NUBPL: variants seen among roughly 807,000 people sequenced by gnomAD.
NUBPL encodes the protein iron-sulfur cluster transfer protein NUBPL.
A neutral mutation model predicts 45.7 loss-of-function variants in NUBPL; 31 were observed. The ratio of observed to expected loss-of-function variants is 0.68; its 90% CI spans 0.51 to 0.92. The LOEUF is 0.92. Ranked by LOEUF, NUBPL falls within the 40% of genes least tolerant of loss-of-function variation. The pLI is 0.00. For missense variants in NUBPL, 401 were observed against 398.7 expected, an observed-to-expected ratio of 1.01 and a Z score of -0.05; for synonymous variants, 144 against 140.9, an observed-to-expected ratio of 1.02 and a Z score of -0.15.
Position 31,709,033 on chromosome 14 carries a change from G to A in NUBPL, c.513+35459G>A, listed in dbSNP as rs530405749. ...GTCTGAGGGCCATGACTAAGGCTGCGGTCTTTCTCTGATCTTGCTTTTCCT... is the reference window on the plus strand; with the variant it reads ...GTCTGAGGGCCATGACTAAGGCTGCAGTCTTTCTCTGATCTTGCTTTTCCT... On this transcript the variant is annotated intron_variant, in intron 6 of 10. Transcript: ENST00000281081. Among the ~76,000 whole-genome samples, 398 of 152,200 alleles carry A rather than the reference G, an allele frequency of 2.6e-3. 1 individual carries two copies. The highest frequency in any genetic ancestry group is 9.2e-3 in the African/African-American group (384 of 41,530).
intron 6 of NUBPL, among the ~76,000 whole-genome samples, chr14:31,716,675 G>A (rs1286555168): frequency 6.6e-6 from 1 of 152,166 alleles, no homozygotes; most frequent in Non-Finnish European, 1.5e-5. Context: ...TTCTGATTTT[G>A]TGCTCATTCT....
At chr14:31,637,700 C>G (rs895689373) in intron 4 of NUBPL, among the ~76,000 whole-genome samples, 4 of 152,176 alleles carry the variant, frequency 2.6e-5, no homozygotes, top group Non-Finnish European at 5.9e-5. Flanking sequence ...GTTAGAGTCT[C>G]CCATTATTAT....
At chr14:31,766,799 A>G (rs2038920413) in intron 6 of NUBPL, among the ~76,000 whole-genome samples, 1 of 152,186 alleles carries the variant, frequency 6.6e-6, no homozygotes, top group South Asian at 2.1e-4. Flanking sequence ...TTTAAATTCC[A>G]CAGGAAGACC....
intron 3 of NUBPL, among the ~76,000 whole-genome samples, chr14:31,571,690 T>G (rs1275926566): frequency 6.6e-6 from 1 of 152,164 alleles, no homozygotes; most frequent in Non-Finnish European, 1.5e-5. Context: ...CCTCAGGTGA[T>G]CTGCCCACCT....
intron 4 of NUBPL, among the ~76,000 whole-genome samples, chr14:31,651,254 A>G (rs2035996395): frequency 6.6e-6 from 1 of 152,066 alleles, no homozygotes; most frequent in African/African-American, 2.4e-5. Flanking sequence ...TGCCTCAGCC[A>G]ACTGAGTAGC....
intron 4 of NUBPL, among the ~76,000 whole-genome samples, chr14:31,649,554 T>C (rs2035945574): frequency 6.6e-6 from 1 of 152,208 alleles, no homozygotes; most frequent in Non-Finnish European, 1.5e-5. Flanking sequence ...CTTTTAGAGT[T>C]TTGAAATTTT....
Position 31,842,218 on chromosome 14 carries a change from G to A in NUBPL, c.694-4253G>A, listed in dbSNP as rs113107042. On this transcript the variant is annotated intron_variant, in intron 8 of 10. Transcript: ENST00000281081. ...TGGGATTACAAGCATAAGCCACCAC[G>A]TCTGGCCTGTTCTGGGCTCTTTATT... 1.7e-3 allele frequency among the ~76,000 whole-genome samples: 260 copies of A among 151,968 alleles called. 1 individual carries two copies. Among genetic ancestry groups the A allele is most frequent in the African/African-American group, 5.3e-3 (218 of 41,454 alleles).
intron 6 of NUBPL, among the ~76,000 whole-genome samples, chr14:31,733,606 A>G (rs558889074): frequency 1.3e-5 from 2 of 152,284 alleles, no homozygotes; most frequent in South Asian, 4.1e-4. Context: ...TTCTAATACA[A>G]AGAAACATAA....
intron 3 of NUBPL, among the ~76,000 whole-genome samples, chr14:31,578,764 A>G (rs960807564): frequency 6.6e-6 from 1 of 152,244 alleles, no homozygotes; most frequent in African/African-American, 2.4e-5. Flanking sequence ...GTACTTCTGT[A>G]AAAATCTTAA....
intron 10 of NUBPL, among the ~76,000 whole-genome samples, chr14:31,852,611 C>T (rs983599441): frequency 2.0e-5 from 3 of 152,126 alleles, no homozygotes; most frequent in Non-Finnish European, 4.4e-5. Flanking sequence ...GCGGAGGTTG[C>T]AGTAAGCCGA....
At chr14:31,808,652 T>A (rs2039739294) in intron 7 of NUBPL, among the ~76,000 whole-genome samples, 1 of 152,022 alleles carries the variant, frequency 6.6e-6, no homozygotes, top group South Asian at 2.1e-4. Flanking sequence ...CTTCCAACAC[T>A]GTTGAATAGG....
chr14:31,765,538 A>G (rs2038896335), intron 6 of NUBPL, among the ~76,000 whole-genome samples: 4 of 152,152 alleles, frequency 2.6e-5, no homozygotes, highest in South Asian at 2.1e-4. Flanking sequence ...CCAGGCCCAC[A>G]TGGCCACCTG....
chr14:31,800,545 G>A (rs928049476), intron 7 of NUBPL, among the ~76,000 whole-genome samples: 1 of 152,100 alleles, frequency 6.6e-6, no homozygotes. Context: ...AAATGGCACG[G>A]GTAGACTTGC....
chr14:31,693,839 TA>T (rs2037149127), intron 6 of NUBPL, among the ~76,000 whole-genome samples: 1 of 132,784 alleles, frequency 7.5e-6, no homozygotes, highest in Non-Finnish European at 1.6e-5. Flanking sequence ...AAACATGAGG[TA>T]GATTTTCTTT....
At chr14:31,802,603 C>T (rs570657250) in intron 7 of NUBPL, among the ~76,000 whole-genome samples, 7 of 152,234 alleles carry the variant, frequency 4.6e-5, no homozygotes, top group Admixed American at 2.0e-4. Flanking sequence ...AATGTCATGA[C>T]GTAGTGGGAA....
At chr14:31,824,366 A>G (rs1595681218) in intron 7 of NUBPL, among the ~76,000 whole-genome samples, 2 of 152,168 alleles carry the variant, frequency 1.3e-5, no homozygotes, top group African/African-American at 4.8e-5. Flanking sequence ...TCTAAAGGAA[A>G]GATAATCTTC....
At chr14:31,767,281 C>T (rs1474514252) in intron 6 of NUBPL, among the ~76,000 whole-genome samples, 1 of 152,196 alleles carries the variant, frequency 6.6e-6, no homozygotes, top group Non-Finnish European at 1.5e-5. Flanking sequence ...CGGCTCACTG[C>T]AAGCTCTGCC....
At chr14:31,825,522 T>A (rs1302568936) in intron 7 of NUBPL, among the ~76,000 whole-genome samples, 1 of 151,886 alleles carries the variant, frequency 6.6e-6, no homozygotes, top group African/African-American at 2.4e-5. Flanking sequence ...CTTCTCCTCC[T>A]CCTTAGCATA....
At chr14:31,604,688 C>G (rs1051296153) in intron 4 of NUBPL, among the ~76,000 whole-genome samples, 17 of 152,258 alleles carry the variant, frequency 1.1e-4, no homozygotes, top group Admixed American at 9.8e-4. Flanking sequence ...TATCCACATT[C>G]TCTTCATACC....
Sources: allele counts gnomAD v4.1 joint callset (sites outside exome capture counted in the v4.1 genomes callset), GRCh38; gene constraint gnomAD v4.1.1; transcripts MANE v1.5; gene names NCBI Gene and HGNC (gene_info 2026-07-23, HGNC 2026-07-21).